The following ZNF569 variants were observed in gnomAD, a reference collection of about 807,000 sequenced individuals.
ZNF569 encodes the protein DNA-binding protein.
Under a neutral mutation model 56.3 loss-of-function variants are expected in ZNF569, and 38 were observed. The observed-to-expected ratio is 0.68, with a 90% CI of 0.52 to 0.88. The LOEUF is 0.88. Ranked by LOEUF, ZNF569 falls within the 40% of genes least tolerant of loss-of-function variation. The pLI is 0.00. For missense variants in ZNF569, 666 were observed against 809.2 expected, an observed-to-expected ratio of 0.82 and a Z score of 2.15; for synonymous variants, 241 against 262.9, an observed-to-expected ratio of 0.92 and a Z score of 0.81.
chr19:37,464,155 C>A (rs1172041070), intron 2 of ZNF569, among the ~76,000 whole-genome samples: 1 of 152,054 alleles, frequency 6.6e-6, no homozygotes, highest in African/African-American at 2.4e-5. Context: ...CACACACACA[C>A]AAAATATATA....
At chr19:37,426,201 A>G (rs1377921950) in intron 4 of ZNF569, 51 bp downstream of exon 4, 3 of 1,556,370 alleles carry the variant, frequency 1.9e-6, no homozygotes, top group African/African-American at 2.8e-5. Flanking sequence ...TGGGAGGAAA[A>G]AAAAGGTACT....
chr19:37,429,349 C>T (rs1467289723), intron 3 of ZNF569, among the ~76,000 whole-genome samples: 1 of 152,222 alleles, frequency 6.6e-6, no homozygotes, highest in Non-Finnish European at 1.5e-5. Flanking sequence ...CAGAAGCCAA[C>T]AACCAAGAAT....
At position 37,413,863 on chromosome 19, in the gene ZNF569, A is replaced by G. The variant is rs772181129; in HGVS notation, c.795T>C (p.Thr265=). ...CCTTACATGCATAGGGCTTCTCTCC[A>G]GTATGAATTCTTTGATGTCTAATGA... ...SNLIRHQRIH[T]GEKPYACKEC... is the part of the protein sequence containing the mutation. Residue 265 remains threonine, a synonymous_variant, in exon 6 of 6, where the codon ACT becomes ACC. Transcript: ENST00000316950. 47 of 1,613,532 alleles carry G rather than the reference A, an allele frequency of 2.9e-5. No individual in the cohort carries two copies. The East Asian group carries it at 9.6e-4, about 33-fold the overall frequency.
chr19:37,450,982 T>C (rs1284332560), intron 2 of ZNF569, among the ~76,000 whole-genome samples: 1 of 152,202 alleles, frequency 6.6e-6, no homozygotes. Context: ...GAAAATATAT[T>C]TGGTATGATT....
chr19:37,419,834 T>G (rs1448661977), intron 5 of ZNF569, among the ~76,000 whole-genome samples: 1 of 152,096 alleles, frequency 6.6e-6, no homozygotes, highest in Non-Finnish European at 1.5e-5. Context: ...CTAACAATCA[T>G]CTGAACCTTC....
chr19:37,466,458 C>T (rs2041838717), intron 1 of ZNF569, among the ~76,000 whole-genome samples: 1 of 151,966 alleles, frequency 6.6e-6, no homozygotes, highest in Non-Finnish European at 1.5e-5. Context: ...GGAGAAACCC[C>T]GTCTCTACTA....
Position 37,426,054 on chromosome 19 carries a change from A to C in ZNF569, c.143-91T>G, listed in dbSNP as rs556655535. The C allele has an allele frequency of 7.0e-5, 100 of 1,436,076 alleles. No homozygotes were observed. In the African/African-American group the frequency reaches 1.4e-3, roughly 20 times the overall value. The allele number at this position is 1,436,076 out of a possible 1,614,324, so 89.0% of individuals were successfully genotyped here. A position where few individuals can be genotyped will look rare whatever the true frequency, so the allele number is the denominator to read the frequency against. ...AGGCTGGCCCAGGAAAACCAGGCTA[A>C]AGGACAAGAAAATGTGGCTTCGGGG... On this transcript the variant is annotated intron_variant, in intron 4 of 5. Coordinates refer to ENST00000316950, the MANE Select transcript of ZNF569 (RefSeq NM_152484.3).
intron 2 of ZNF569, among the ~76,000 whole-genome samples, chr19:37,461,210 C>A (rs536892256): frequency 6.6e-6 from 1 of 151,998 alleles, no homozygotes; most frequent in Non-Finnish European, 1.5e-5. Flanking sequence ...TTTTGTAGCC[C>A]TTACTGAAAT....
chr19:37,450,559 T>C lies in ZNF569; in HGVS notation c.-43-5595A>G, dbSNP rs529269765. On this transcript the variant is annotated intron_variant, in intron 2 of 5. Transcript: ENST00000316950. ...TTCTCTATTTTTTTCATAGTTTAGC[T>C]AACGGTTTGTCAGTTTATCTTTTCC... Among the ~76,000 whole-genome samples the C allele has an allele frequency of 3.9e-5, 6 of 152,302 alleles. No homozygotes were observed. In the South Asian group the frequency reaches 1.0e-3, roughly 26 times the overall value.
chr19:37,426,162 T>C, intron 4 of ZNF569, 90 bp downstream of exon 4: 1 of 1,460,878 alleles, frequency 6.8e-7, no homozygotes, highest in Non-Finnish European at 9.2e-7. Flanking sequence ...CACTCTAATA[T>C]TTAAAAGGTC....
intron 5 of ZNF569, among the ~76,000 whole-genome samples, chr19:37,425,374 T>C (rs528327834): frequency 1.0e-3 from 145 of 140,970 alleles, no homozygotes; most frequent in African/African-American, 3.5e-3. Context: ...CAGGCTGGAG[T>C]GCAGTGGCGC....
At position 37,413,709 on chromosome 19, in the gene ZNF569, G is replaced by C; in HGVS notation, c.949C>G (p.Gln317Glu). 1.9e-6 allele frequency: 3 copies of C among 1,613,512 alleles called. No individual in the cohort carries two copies. The highest frequency in any genetic ancestry group is 2.5e-6 in the Non-Finnish European group (3 of 1,179,812). The change falls in exon 6 of 6, where the codon CAG (glutamine) becomes GAG (glutamate). Residue 317 changes from glutamine (Q) to glutamate (E), a missense_variant. By Grantham distance (29) the Gln-to-Glu change is conservative. Coordinates refer to ENST00000316950, the MANE Select transcript of ZNF569 (RefSeq NM_152484.3). ...GGTTTCTCCCCAGTATGAACTTTCT[G>C]ATGTGCAATGAGGCTTTGCTTCTGG... is the stretch of plus-strand genomic sequence containing the variant. Reference protein sequence around the residue: ...FSQKQSLIAHQKVHTGEKPYA... With the variant: ...FSQKQSLIAHEKVHTGEKPYA...
At position 37,413,966 on chromosome 19, in the gene ZNF569, T is replaced by G. The variant is rs758663915; in HGVS notation, c.692A>C (p.Lys231Thr). ...CTCCCTACTGTGAATTTTATAATGT[T>G]TAATAAGTTTTTCCTTGTGACTGAA... The part of the protein sequence containing the change: ...KAFSHKEKLI[K>T]HYKIHSREQS... The change falls in exon 6 of 6, where the codon AAA (lysine) becomes ACA (threonine). Residue 231 changes from lysine to threonine, a missense_variant. Transcript: ENST00000316950. The G allele has an allele frequency of 6.2e-7, 1 of 1,613,512 alleles. No individual in the cohort carries two copies.
intron 4 of ZNF569, 80 bp downstream of exon 4, chr19:37,426,171 TC>T (rs2041128702): frequency 6.8e-7 from 1 of 1,479,606 alleles, no homozygotes; most frequent in Non-Finnish European, 9.1e-7. Context: ...ATTTAAAAGG[TC>T]CATGTATTTC....
intron 1 of ZNF569, among the ~76,000 whole-genome samples, chr19:37,466,070 G>T (rs1018093390): frequency 6.6e-6 from 1 of 152,172 alleles, no homozygotes; most frequent in Non-Finnish European, 1.5e-5. Flanking sequence ...ACATATGAAT[G>T]TATACGTATG....
chr19:37,423,824 A>G (rs576016162), intron 5 of ZNF569, among the ~76,000 whole-genome samples: 5 of 152,348 alleles, frequency 3.3e-5, no homozygotes, highest in African/African-American at 1.2e-4. Context: ...AATTCAAGCT[A>G]TAATTAGCTA....
Position 37,416,275 on chromosome 19 carries a change from A to G in ZNF569, c.239-1856T>C, listed in dbSNP as rs534538503. Reference sequence around the variant, plus strand: ...CAAAAAAACAAAAAAACAAAAAAAAAAAACAGGAAAAGAAAATGAAAATTA... The same window carrying G: ...CAAAAAAACAAAAAAACAAAAAAAAGAAACAGGAAAAGAAAATGAAAATTA... On this transcript the variant is annotated intron_variant, in intron 5 of 5. Transcript: ENST00000316950. Among the ~76,000 whole-genome samples the G allele has an allele frequency of 2.0e-5, 3 of 152,078 alleles. No homozygotes were observed. In the East Asian group the frequency reaches 5.8e-4, roughly 29 times the overall value.
At chr19:37,425,636 C>T (rs7508757) in intron 5 of ZNF569, 2 of 298,296 alleles carry the variant, frequency 6.7e-6, no homozygotes, top group Non-Finnish European at 1.3e-5. Flanking sequence ...TTTCTTTTCT[C>T]TTTTTTTTTT....
At chr19:37,432,263 C>A (rs931574561) in intron 3 of ZNF569, among the ~76,000 whole-genome samples, 4 of 152,114 alleles carry the variant, frequency 2.6e-5, no homozygotes, top group Non-Finnish European at 5.9e-5. Context: ...CAGCGCAGTC[C>A]CAGTGGTGGT....
Sources: allele counts gnomAD v4.1 joint callset (sites outside exome capture counted in the v4.1 genomes callset), GRCh38; gene constraint gnomAD v4.1.1; transcripts MANE v1.5; gene names NCBI Gene and HGNC (gene_info 2026-07-23, HGNC 2026-07-21).